Variants in MRPL18 observed in about 807,000 individuals in gnomAD.
MRPL18 encodes the protein large ribosomal subunit protein uL18m.
Under a neutral mutation model 20.9 loss-of-function variants are expected in MRPL18, and 16 were observed. The observed-to-expected ratio is 0.76, with a 90% confidence interval of 0.52 to 1.16. The LOEUF (loss-of-function observed/expected upper bound fraction) is 1.16. Ranked by LOEUF, MRPL18 falls within the 50% of genes most tolerant of loss-of-function variation. The probability of loss-of-function intolerance (pLI) is 0.00; values close to 1 mark genes in which losing one functional copy is unlikely to be tolerated. For missense variants in MRPL18, 233 were observed against 230.6 expected, an observed-to-expected ratio of 1.01 and a Z score of -0.07; for synonymous variants, 91 against 87.1, an observed-to-expected ratio of 1.04 and a Z score of -0.25.
intron 1 of MRPL18, 141 bp from the exon 2 acceptor site, chr6:159,790,788 GTCAGTGCTGAC>G: frequency 7.3e-7 from 1 of 1,373,394 alleles, no homozygotes. Context: ...TAAGGACGGG[GTCAGTGCTGAC>G]TCCACCCTGT....
chr6:159,790,761 A>G (rs1465782846), intron 1 of MRPL18, 122 bp downstream of exon 1: 2 of 1,428,476 alleles, frequency 1.4e-6, no homozygotes, highest in East Asian at 4.6e-5. Context: ...GGCACTGCGA[A>G]GACCACAGTA....
chr6:159,793,541 A>G (rs929836145), intron 2 of MRPL18, among the ~76,000 whole-genome samples: 2 of 152,224 alleles, frequency 1.3e-5, no homozygotes. Flanking sequence ...AACAGAAGCT[A>G]TTGGACCTAG....
Position 159,797,379 on chromosome 6 carries a change from C to A in MRPL18, c.332C>A (p.Ala111Asp). Residue 111 changes from alanine (A) to aspartate (D), a missense_variant, in exon 3 of 4, where the codon GCT (alanine) becomes GAT (aspartate). Ala to Asp is a moderately radical substitution (Grantham distance 126). Coordinates refer to ENST00000367034, the MANE Select transcript of MRPL18 (RefSeq NM_014161.5). ...GTTTCGGCCTCCACTCGTGAGTGGG[C>A]TATTAAAAAGCACCTTTATAGTACC... is the stretch of plus-strand genomic sequence containing the variant. ...VVVSASTREW[A>D]IKKHLYSTRN... 5 of 1,614,106 alleles carry A rather than the reference C, an allele frequency of 3.1e-6. No homozygotes were observed. Among genetic ancestry groups the A allele is most frequent in the Non-Finnish European group, 4.2e-6 (5 of 1,180,024 alleles).
chr6:159,793,582 T>C (rs1321059160), intron 2 of MRPL18, among the ~76,000 whole-genome samples: 1 of 152,138 alleles, frequency 6.6e-6, no homozygotes, highest in Non-Finnish European at 1.5e-5. Context: ...TCTGGCACTT[T>C]GTGGAAAAAG....
Position 159,798,191 on chromosome 6 carries a change from G to C in MRPL18, c.*68G>C. The C allele has an allele frequency of 1.5e-6, 2 of 1,312,518 alleles. No homozygotes were observed. The highest frequency in any genetic ancestry group is 2.2e-6 in the Non-Finnish European group (2 of 927,990). 81.3% of individuals were successfully genotyped at this position (1,312,518 alleles called of 1,614,324 possible). ...CAGCCACTACAGCCATCAAAAGAGA[G>C]CATCTGGAAGAACAGCCAGCTTGGA... On this transcript the variant is annotated 3_prime_UTR_variant, in exon 4 of 4. Transcript: ENST00000367034.
intron 2 of MRPL18, among the ~76,000 whole-genome samples, chr6:159,791,386 G>C (rs961704703): frequency 5.9e-5 from 9 of 152,200 alleles, no homozygotes; most frequent in Admixed American, 5.2e-4. Context: ...TCATCTGCCA[G>C]AAAGAGCAGT....
At position 159,798,116 on chromosome 6, in the gene MRPL18, A is replaced by G. The variant is rs201671367; in HGVS notation, c.536A>G (p.Tyr179Cys). The G allele has an allele frequency of 7.6e-5, 122 of 1,611,128 alleles. No individual in the cohort carries two copies. Among genetic ancestry groups the G allele is most frequent in the Middle Eastern group, 1.7e-4 (1 of 6,056 alleles). Residue 179 changes from tyrosine (Y) to cysteine (C), a missense_variant, in exon 4 of 4, where the codon TAT (tyrosine) becomes TGT (cysteine). By Grantham distance (194) the Tyr-to-Cys change is radical (BLOSUM62 -2). Coordinates refer to ENST00000367034, the MANE Select transcript of MRPL18 (RefSeq NM_014161.5). ...GVVLREPQRI[Y>C]E ...GTTCTACGGGAACCTCAGAGAATCTATGAATAAATGGAAGCATTAATTGTT... is the reference window on the plus strand; with the variant it reads ...GTTCTACGGGAACCTCAGAGAATCTGTGAATAAATGGAAGCATTAATTGTT...
In MRPL18 at chr6:159,790,593, G is replaced by T. The variant is rs777765662; in HGVS notation, c.6G>T (p.Ala2=). The change falls in exon 1 of 4, where the codon GCG becomes GCT. Residue 2 remains alanine, a synonymous_variant. Transcript: ENST00000367034. M[A]LRSRFWGLFS... is the part of the protein sequence containing the mutation. ...TTTCCGAGATCGTCTCAGCGATGGC[G>T]CTTCGGTCGCGGTTTTGGGGGTTGT... 1.9e-6 allele frequency: 3 copies of T among 1,576,238 alleles called. No homozygotes were observed. Among genetic ancestry groups the T allele is most frequent in the African/African-American group, 2.9e-5 (2 of 68,320 alleles).
intron 2 of MRPL18, among the ~76,000 whole-genome samples, chr6:159,791,705 G>C (rs1780904961): frequency 1.3e-5 from 2 of 152,130 alleles, no homozygotes; most frequent in South Asian, 4.1e-4. Context: ...AGGAGTTTGA[G>C]ACCAACCTGG....
intron 2 of MRPL18, among the ~76,000 whole-genome samples, chr6:159,795,566 G>A (rs1048578049): frequency 6.6e-6 from 1 of 152,142 alleles, no homozygotes; most frequent in Non-Finnish European, 1.5e-5. Context: ...CAGGGGGTTG[G>A]GGGTAAGGTC....
chr6:159,790,644 T>G lies in MRPL18; in HGVS notation c.52+5T>G. ...TCTCGGTTTGCAGGAACCCTGGTAATTAGTCTTGCCCCCCTTCTCCCAGCT... is the reference window on the plus strand; with the variant it reads ...TCTCGGTTTGCAGGAACCCTGGTAAGTAGTCTTGCCCCCCTTCTCCCAGCT... On this transcript the variant is annotated splice_donor_5th_base_variant and intron_variant, in intron 1 of 3. Transcript: ENST00000367034. 1 of 1,614,026 alleles carries G rather than the reference T, an allele frequency of 6.2e-7. No homozygotes were observed. Among genetic ancestry groups the G allele is most frequent in the Non-Finnish European group, 8.5e-7 (1 of 1,179,942 alleles).
chr6:159,791,110 C>T lies in MRPL18; in HGVS notation c.223C>T (p.Arg75Cys), dbSNP rs1444453257. The T allele has an allele frequency of 6.2e-6, 10 of 1,614,062 alleles. No homozygotes were observed. Among genetic ancestry groups the T allele is most frequent in the African/African-American group, 4.0e-5 (3 of 74,922 alleles). Residue 75 changes from arginine to cysteine, a missense_variant, in exon 2 of 4, where the codon CGT (arginine) becomes TGT (cysteine). Coordinates refer to ENST00000367034, the MANE Select transcript of MRPL18 (RefSeq NM_014161.5). Reference protein sequence around the residue: ...ERGWRTVFPSREFWHRLRVIR... With the variant: ...ERGWRTVFPSCEFWHRLRVIR... ...GGGCTGGCGGACGGTGTTTCCCTCC[C>T]GTGAGTTCTGGCACAGGTAATTAAA... is the stretch of plus-strand genomic sequence containing the variant.
rs1204300926 is a variant in MRPL18 at position 159,797,332 on chromosome 6, G to A, written c.285G>A (p.Glu95=). Residue 95 remains glutamate, a synonymous_variant, in exon 3 of 4, where the codon GAG becomes GAA. Transcript: ENST00000367034. Reference sequence around the variant, plus strand: ...AGCATCATGTAGAAGCACTTGTGGAGCATCAGAATGGCAAGGTTGTGGTTT... The same window carrying A: ...AGCATCATGTAGAAGCACTTGTGGAACATCAGAATGGCAAGGTTGTGGTTT... ...RTQHHVEALV[E]HQNGKVVVSA... 2 of 1,614,214 alleles carry A rather than the reference G, an allele frequency of 1.2e-6. No individual in the cohort carries two copies. Among genetic ancestry groups the A allele is most frequent in the Admixed American group, 3.3e-5 (2 of 60,024 alleles).
chr6:159,793,212 G>T (rs1429993928), intron 2 of MRPL18, among the ~76,000 whole-genome samples: 1 of 151,976 alleles, frequency 6.6e-6, no homozygotes, highest in Non-Finnish European at 1.5e-5. Flanking sequence ...TGCCTTACTC[G>T]CAATATTAAA....
At chr6:159,793,618 T>G (rs968551714) in intron 2 of MRPL18, among the ~76,000 whole-genome samples, 2 of 152,140 alleles carry the variant, frequency 1.3e-5, no homozygotes, top group African/African-American at 4.8e-5. Context: ...TTTAACAGAT[T>G]GTGATTTTTG....
chr6:159,793,963 G>T (rs1326575082), intron 2 of MRPL18, among the ~76,000 whole-genome samples: 1 of 152,006 alleles, frequency 6.6e-6, no homozygotes, highest in East Asian at 1.9e-4. Context: ...AGGAAAACCA[G>T]GAGTAGACTC....
Position 159,791,036 on chromosome 6 carries a change from A to G in MRPL18, c.149A>G (p.Asn50Ser), listed in dbSNP as rs746211033. ...GAAGCTGTCGCCCCAGAATTCACCA[A>G]CCGGAACCCCCGGAACCTGGAGCTT... is the stretch of plus-strand genomic sequence containing the variant. ...ENEAVAPEFT[N>S]RNPRNLELLS... Residue 50 changes from asparagine (N) to serine (S), a missense_variant, in exon 2 of 4, where the codon AAC (asparagine) becomes AGC (serine). By Grantham distance (46) the Asn-to-Ser change is conservative. Coordinates refer to ENST00000367034, the MANE Select transcript of MRPL18 (RefSeq NM_014161.5). The G allele has an allele frequency of 2.5e-6, 4 of 1,614,126 alleles. No homozygotes were observed. The highest frequency in any genetic ancestry group is 3.4e-6 in the Non-Finnish European group (4 of 1,180,018).
At chr6:159,793,726 G>A (rs1467514430) in intron 2 of MRPL18, among the ~76,000 whole-genome samples, 1 of 152,108 alleles carries the variant, frequency 6.6e-6, no homozygotes, top group African/African-American at 2.4e-5. Context: ...TGGCTAACAC[G>A]GTGAAACCCC....
Position 159,798,388 on chromosome 6 carries a change from T to C in MRPL18, c.*265T>C. The C allele has an allele frequency of 2.6e-6, 1 of 379,476 alleles. No homozygotes were observed. The highest frequency in any genetic ancestry group is 4.4e-5 in the Admixed American group (1 of 22,936). The allele number at this position is 379,476 out of a possible 1,614,324, so 23.5% of individuals were successfully genotyped here. A position where few individuals can be genotyped will look rare whatever the true frequency, so the allele number is the denominator to read the frequency against. On this transcript the variant is annotated 3_prime_UTR_variant, in exon 4 of 4. Transcript: ENST00000367034. ...TAACTTTCAAAGGGCAAGTCAGAAG[T>C]TGTTTATAAATTACAAAATAAAGGC... is the stretch of plus-strand genomic sequence containing the variant.
Sources: allele counts gnomAD v4.1 joint callset (sites outside exome capture counted in the v4.1 genomes callset), GRCh38; gene constraint gnomAD v4.1.1; transcripts MANE v1.5; gene names NCBI Gene and HGNC (gene_info 2026-07-23, HGNC 2026-07-21).